Variants in PPP1R7 observed in about 807,000 individuals in gnomAD.
PPP1R7 encodes protein phosphatase 1 regulatory subunit 22.
PPP1R7 carries 18 observed loss-of-function variants against 45.2 expected under a neutral mutation model. That is an observed-to-expected ratio of 0.40 (90% CI 0.28 to 0.59). The LOEUF is 0.59. Among genes scored for constraint, PPP1R7 ranks in the 20% least tolerant of loss-of-function variants. The pLI, the probability that PPP1R7 is intolerant of heterozygous loss-of-function variation, is 0.46. For missense variants in PPP1R7, 314 were observed against 455.8 expected (o/e 0.69, Z 2.83); for synonymous variants, 181 against 183.4 (o/e 0.99, Z 0.11).
In PPP1R7 at chr2:241,160,220, G is replaced by A. The variant is rs567108841; in HGVS notation, c.435-112G>A. ...CAGAACCCCCCACCCTCTCCCACCC[G>A]GTAGTGACTGCCGTCCCCTGATGGG... On this transcript the variant is annotated intron_variant, in intron 5 of 9. Coordinates refer to ENST00000234038, the MANE Select transcript of PPP1R7 (RefSeq NM_002712.3). 5.4e-5 allele frequency: 22 copies of A among 407,186 alleles called. No individual in the cohort carries two copies. In the East Asian group the frequency reaches 6.3e-4, roughly 12 times the overall value. 25.2% of individuals were successfully genotyped at this position (407,186 alleles called of 1,614,324 possible).
intron 8 of PPP1R7, among the ~76,000 whole-genome samples, chr2:241,168,656 C>T: frequency 6.6e-6 from 1 of 152,182 alleles, no homozygotes; most frequent in East Asian, 1.9e-4. Context: ...ACCTCCTAGG[C>T]AGCATGCCAC....
At chr2:241,179,449 C>T (rs1193838155) in intron 9 of PPP1R7, among the ~76,000 whole-genome samples, 3 of 152,166 alleles carry the variant, frequency 2.0e-5, no homozygotes, top group African/African-American at 7.2e-5. Context: ...GCATTCATAC[C>T]TAACTTTGAG....
upstream of PPP1R7, chr2:241,150,271 A>T (rs1341413040): frequency 5.3e-6 from 7 of 1,320,578 alleles, no homozygotes; most frequent in Non-Finnish European, 6.8e-6. Context: ...TCTCGCCTCC[A>T]GACTGTTCCG....
chr2:241,165,479 C>A (rs937980029), intron 7 of PPP1R7, among the ~76,000 whole-genome samples: 3 of 151,944 alleles, frequency 2.0e-5, no homozygotes, highest in African/African-American at 7.3e-5. Flanking sequence ...ACAATGAATT[C>A]TTTATATAAA....
chr2:241,157,886 C>G, intron 3 of PPP1R7, 24 bp downstream of exon 3: 2 of 1,608,102 alleles, frequency 1.2e-6, no homozygotes, highest in Non-Finnish European at 1.7e-6. Context: ...CTCAGCCCAG[C>G]CTTGGGCGTG....
chr2:241,150,451 A>AG (rs1452996170), upstream of PPP1R7: 3 of 1,384,134 alleles, frequency 2.2e-6, no homozygotes, highest in East Asian at 3.9e-5. Flanking sequence ...TGATTGGCTG[A>AG]GGGGTCTGAG....
rs1394487342 is a variant in PPP1R7, at chr2:241,182,815, A to C, written c.1075A>C (p.Arg359=). The C allele has an allele frequency of 1.9e-6, 3 of 1,612,044 alleles. No individual in the cohort carries two copies. In the South Asian group the frequency reaches 3.3e-5, roughly 18 times the overall value. ...GCGGCAGATCGATGCCACGTTCGTCAGGTTCTGAGTCCTTCTTGGCTCCTC... is the reference window on the plus strand; with the variant it reads ...GCGGCAGATCGATGCCACGTTCGTCCGGTTCTGAGTCCTTCTTGGCTCCTC... ...SVRQIDATFV[R]F The change falls in exon 10 of 10, where the codon AGG becomes CGG. Residue 359 remains arginine, a synonymous_variant. Transcript: ENST00000234038.
chr2:241,157,382 A>G (rs1041499232), intron 2 of PPP1R7, among the ~76,000 whole-genome samples: 1 of 152,204 alleles, frequency 6.6e-6, no homozygotes, highest in African/African-American at 2.4e-5. Context: ...TTATTGCCAC[A>G]AACAAAAAGA....
chr2:241,159,524 C>A (rs567069672), intron 5 of PPP1R7, among the ~76,000 whole-genome samples, 181 bp downstream of exon 5: 1 of 152,302 alleles, frequency 6.6e-6, no homozygotes, highest in East Asian at 1.9e-4. Flanking sequence ...TCCAGGAGGC[C>A]TCATCGGCTT....
chr2:241,156,806 C>T (rs1402847571), intron 2 of PPP1R7, among the ~76,000 whole-genome samples: 1 of 152,150 alleles, frequency 6.6e-6, no homozygotes, highest in Non-Finnish European at 1.5e-5. Context: ...AATACGAACA[C>T]TGACAATCTT....
chr2:241,159,172 C>T (rs2067527587), intron 4 of PPP1R7, 41 bp from the exon 5 acceptor site: 2 of 1,606,718 alleles, frequency 1.2e-6, no homozygotes, highest in South Asian at 2.2e-5. Flanking sequence ...CTCGTGGCCT[C>T]CCCCTTGCCT....
Position 241,182,817 on chromosome 2 carries a change from G to A in PPP1R7, c.1077G>A (p.Arg359=). 1.2e-6 allele frequency: 2 copies of A among 1,610,188 alleles called. No individual in the cohort carries two copies. The highest frequency in any genetic ancestry group is 1.7e-6 in the Non-Finnish European group (2 of 1,176,656). ...GGCAGATCGATGCCACGTTCGTCAG[G>A]TTCTGAGTCCTTCTTGGCTCCTCAT... The part of the protein sequence containing the change: ...SVRQIDATFV[R]F The change falls in exon 10 of 10, where the codon AGG becomes AGA. Residue 359 remains arginine (R), a synonymous_variant. Coordinates refer to ENST00000234038, the MANE Select transcript of PPP1R7 (RefSeq NM_002712.3).
intron 6 of PPP1R7, among the ~76,000 whole-genome samples, chr2:241,162,742 G>A (rs966406747): frequency 4.6e-5 from 7 of 151,250 alleles, no homozygotes; most frequent in Admixed American, 4.0e-4. Context: ...GAGTGCAGTG[G>A]CACAATCTCG....
chr2:241,161,647 A>G (rs899561027), intron 6 of PPP1R7, among the ~76,000 whole-genome samples: 1 of 152,240 alleles, frequency 6.6e-6, no homozygotes, highest in Middle Eastern at 3.2e-3. Context: ...AGAATTTTGA[A>G]AAGTGATCTG....
At chr2:241,172,269 A>T (rs2067830600) in intron 9 of PPP1R7, among the ~76,000 whole-genome samples, 1 of 152,032 alleles carries the variant, frequency 6.6e-6, no homozygotes, top group Non-Finnish European at 1.5e-5. Flanking sequence ...ATTAGAATTT[A>T]AAAATACATT....
At chr2:241,181,500 G>A (rs2068006244) in intron 9 of PPP1R7, among the ~76,000 whole-genome samples, 1 of 152,068 alleles carries the variant, frequency 6.6e-6, no homozygotes, top group African/African-American at 2.4e-5. Flanking sequence ...ACTTCTGAGT[G>A]GAAGAGGCAG....
rs1016811680 is a variant in PPP1R7 at position 241,183,082 on chromosome 2, G to A, written c.*259G>A. 7.8e-6 allele frequency: 4 copies of A among 514,194 alleles called. No homozygotes were observed. The highest frequency in any genetic ancestry group is 6.9e-5 in the East Asian group (2 of 28,934). 31.9% of individuals were successfully genotyped at this position (514,194 alleles called of 1,614,324 possible). On this transcript the variant is annotated 3_prime_UTR_variant, in exon 10 of 10. Coordinates refer to ENST00000234038, the MANE Select transcript of PPP1R7 (RefSeq NM_002712.3). ...ACAGAGAGAACATAAGACACGTTGC[G>A]TTCATTCGCTAGAAATCCCTGTTTC...
At chr2:241,167,057 C>T (rs761581797) in intron 8 of PPP1R7, 5 of 1,612,464 alleles carry the variant, frequency 3.1e-6, no homozygotes, top group South Asian at 1.1e-5. Flanking sequence ...GCAGGACAGC[C>T]TCACGTACTG....
chr2:241,160,302 T>G, intron 5 of PPP1R7, 30 bp from the exon 6 acceptor site: 1 of 1,566,050 alleles, frequency 6.4e-7, no homozygotes, highest in Non-Finnish European at 8.6e-7. Context: ...TCGTGAAATT[T>G]TTTTAAAAAA....
Sources: gnomAD v4.1 joint callset for allele counts (sites outside exome capture counted in the v4.1 genomes callset) on GRCh38, gnomAD v4.1.1 for gene constraint, MANE v1.5 for transcripts, NCBI Gene and HGNC (gene_info 2026-07-23, HGNC 2026-07-21) for gene names.